CMIP: variants seen among roughly 807,000 people sequenced by gnomAD.
The protein encoded by CMIP is C-Maf-inducing protein.
In CMIP, 13 loss-of-function variants were observed where a neutral mutation model predicts 97.3. That is an observed-to-expected ratio of 0.13 (90% confidence interval 0.09 to 0.21). CMIP has a LOEUF of 0.21. Among genes scored for constraint, CMIP ranks in the 10% least tolerant of loss-of-function variants. The pLI, the probability that CMIP is intolerant of heterozygous loss-of-function variation, is 1.00. For missense variants in CMIP, 847 were observed against 1,024.9 expected, an observed-to-expected ratio of 0.83 and a Z score of 2.37; for synonymous variants, 538 against 436.3, an observed-to-expected ratio of 1.23 and a Z score of -2.91.
At chr16:81,540,771 C>G (rs895651037) in intron 1 of CMIP, among the ~76,000 whole-genome samples, 12 of 151,576 alleles carry the variant, frequency 7.9e-5, no homozygotes, top group Admixed American at 3.3e-4. Context: ...GCCTCCGCCT[C>G]CCAGGTTCAA....
chr16:81,652,341 A>G lies in CMIP; in HGVS notation c.616A>G (p.Ile206Val), dbSNP rs781549803. The change falls in exon 4 of 21, where the codon ATC becomes GTC. Residue 206 changes from isoleucine to valine, a missense_variant. By Grantham distance (29) the Ile-to-Val change is conservative. Coordinates refer to ENST00000537098, the MANE Select transcript of CMIP (RefSeq NM_198390.3). This position sits in a 1 kb window ranked among gnomAD's most constrained non-coding sequence, Gnocchi z 5.2. ...DDSINQAPLE[I>V]VSKLLSENTN... ...CTCCATCAACCAGGCCCCACTGGAA[A>G]TCGTCTCGAAACTGCTCTCAGAGGT... 10 of 1,613,752 alleles carry G rather than the reference A, an allele frequency of 6.2e-6. No individual in the cohort carries two copies. Among genetic ancestry groups the G allele is most frequent in the South Asian group, 4.4e-5 (4 of 91,056 alleles).
At chr16:81,491,312 C>T (rs901103514) in intron 1 of CMIP, among the ~76,000 whole-genome samples, 5 of 152,158 alleles carry the variant, frequency 3.3e-5, no homozygotes, top group Admixed American at 2.0e-4. Flanking sequence ...TCTCTGTCAC[C>T]GCATGGCTGT....
intron 1 of CMIP, among the ~76,000 whole-genome samples, chr16:81,540,674 GTGTGTGTGTGTT>G (rs923434003): frequency 2.7e-5 from 4 of 150,768 alleles, no homozygotes; most frequent in Non-Finnish European, 5.9e-5. Context: ...GTGTGTGTGT[GTGTGTGTGTGTT>G]TGTTTTTGTT....
At chr16:81,532,181 C>T (rs181884987) in intron 1 of CMIP, among the ~76,000 whole-genome samples, 45 of 152,290 alleles carry the variant, frequency 3.0e-4, no homozygotes, top group South Asian at 8.3e-4. Flanking sequence ...GACTGCAGTC[C>T]CAGGGCTCAG....
chr16:81,620,742 C>A, intron 2 of CMIP, 134 bp from the exon 3 acceptor site: 1 of 1,002,130 alleles, frequency 1.0e-6, no homozygotes, highest in Non-Finnish European at 1.5e-6. Context: ...GCATATCTTT[C>A]AGCAGGCTTG....
intron 3 of CMIP, among the ~76,000 whole-genome samples, chr16:81,626,433 G>A (rs189281988): frequency 3.5e-5 from 5 of 144,154 alleles, no homozygotes; most frequent in Admixed American, 2.1e-4. Context: ...TGTGGGGTGT[G>A]GGATGACTAT....
chr16:81,656,631 C>T (rs1029577323), intron 4 of CMIP, among the ~76,000 whole-genome samples: 1 of 152,186 alleles, frequency 6.6e-6, no homozygotes, highest in Non-Finnish European at 1.5e-5. Flanking sequence ...ACCTGAAATG[C>T]TCCAAAGTCC....
intron 1 of CMIP, among the ~76,000 whole-genome samples, chr16:81,589,626 A>G (rs186227128): frequency 1.8e-4 from 27 of 152,238 alleles, no homozygotes; most frequent in African/African-American, 6.5e-4. Context: ...AAAAATCCCA[A>G]AGCAGTCCCC....
intron 3 of CMIP, among the ~76,000 whole-genome samples, chr16:81,626,054 G>T (rs943940325): frequency 2.6e-5 from 4 of 152,228 alleles, no homozygotes; most frequent in Admixed American, 2.6e-4. Context: ...CTGGCTGCCT[G>T]CCCTGGCCAC....
intron 16 of CMIP, among the ~76,000 whole-genome samples, 199 bp from the exon 17 acceptor site, chr16:81,702,423 G>A (rs1907521114): frequency 6.6e-6 from 1 of 152,102 alleles, no homozygotes; most frequent in East Asian, 1.9e-4. Flanking sequence ...TCCCACTGGT[G>A]TTTCTTGGGA....
intron 1 of CMIP, among the ~76,000 whole-genome samples, chr16:81,602,988 A>G (rs1379735931): frequency 6.6e-6 from 1 of 152,196 alleles, no homozygotes; most frequent in Non-Finnish European, 1.5e-5. Flanking sequence ...CAGCGTTCAG[A>G]GGCTTTCCAT....
chr16:81,565,741 C>A (rs2090969179), intron 1 of CMIP, among the ~76,000 whole-genome samples: 1 of 152,154 alleles, frequency 6.6e-6, no homozygotes, highest in African/African-American at 2.4e-5. Context: ...GCCCCCTACC[C>A]AGGAGGGGTT....
intron 1 of CMIP, among the ~76,000 whole-genome samples, chr16:81,506,669 C>T (rs371925051): frequency 1.2e-3 from 180 of 152,372 alleles, no homozygotes; most frequent in African/African-American, 4.1e-3. Flanking sequence ...AATCCCAGCA[C>T]TCTGGGAGGC....
intron 1 of CMIP, among the ~76,000 whole-genome samples, chr16:81,533,195 T>C (rs1265455755): frequency 1.3e-5 from 2 of 152,246 alleles, no homozygotes; most frequent in Non-Finnish European, 2.9e-5. Flanking sequence ...TTATTTTGTT[T>C]ATTATTCCAT....
In CMIP at chr16:81,655,796, C is replaced by T. The variant is rs947386749; in HGVS notation, c.640-1979C>T. Among the ~76,000 whole-genome samples, 1 of 152,116 alleles carries T rather than the reference C, an allele frequency of 6.6e-6. No homozygotes were observed. ...ACGGGTTCATATCCTCACTGCAGCC[C>T]CTATTACCCTGCGCCTGCTAGTCAC... On this transcript the variant is annotated intron_variant, in intron 4 of 20. Coordinates refer to ENST00000537098, the MANE Select transcript of CMIP (RefSeq NM_198390.3). This position sits in a 1 kb window ranked among gnomAD's most constrained non-coding sequence, Gnocchi z 4.9.
chr16:81,566,769 G>A (rs2090991002), intron 1 of CMIP, among the ~76,000 whole-genome samples: 1 of 152,148 alleles, frequency 6.6e-6, no homozygotes, highest in African/African-American at 2.4e-5. Context: ...ATCAACAGTG[G>A]AACAGATAAA....
chr16:81,678,664 G>T (rs373352244), intron 10 of CMIP, 36 bp downstream of exon 10: 9 of 997,354 alleles, frequency 9.0e-6, no homozygotes, highest in Non-Finnish European at 1.2e-5. Flanking sequence ...CCCCGGGGCC[G>T]GTGGGAGGAG....
rs926988456 is a variant in CMIP at position 81,711,055 on chromosome 16, G to A, written c.*1256G>A. ...ACCCCCCACATGTGACCACTGCAAC[G>A]AAGACACTCCTTCTGTCCCCACCTG... On this transcript the variant is annotated 3_prime_UTR_variant, in exon 21 of 21. Transcript: ENST00000537098. The A allele has an allele frequency of 9.0e-6, 1 of 110,522 alleles. No homozygotes were observed. Among genetic ancestry groups the A allele is most frequent in the African/African-American group, 3.5e-5 (1 of 28,266 alleles). 6.8% of individuals were successfully genotyped at this position (110,522 alleles called of 1,614,324 possible). A position where few individuals can be genotyped will look rare whatever the true frequency, so the allele number is the denominator to read the frequency against.
intron 9 of CMIP, among the ~76,000 whole-genome samples, chr16:81,674,477 G>A (rs983871529): frequency 4.6e-5 from 7 of 152,122 alleles, no homozygotes; most frequent in Admixed American, 1.3e-4. Context: ...CAGCTCACAC[G>A]TTACATTTGG....
Sources: gnomAD v4.1 joint callset for allele counts (sites outside exome capture counted in the v4.1 genomes callset) on GRCh38, gnomAD v4.1.1 for gene constraint, Gnocchi (gnomAD v3.1) non-coding constraint, MANE v1.5 for transcripts, NCBI Gene and HGNC (gene_info 2026-07-23, HGNC 2026-07-21) for gene names.